ZNF385D: variants seen among roughly 807,000 people sequenced by gnomAD.
The protein encoded by ZNF385D is zinc finger protein 385D, also known as zinc finger protein 659.
Under a neutral mutation model 35.8 loss-of-function variants are expected in ZNF385D, and 15 were observed. The ratio of observed to expected loss-of-function variants is 0.42; its 90% CI spans 0.28 to 0.64. ZNF385D has a LOEUF of 0.64. ZNF385D is among the 30% of genes least tolerant of loss of function. The probability of loss-of-function intolerance (pLI) is 0.23; values close to 1 mark genes in which losing one functional copy is unlikely to be tolerated. For synonymous variants in ZNF385D, 212 were observed against 186.8 expected, an observed-to-expected ratio of 1.13 and a Z score of -1.10; for missense variants, 474 against 494.6, an observed-to-expected ratio of 0.96 and a Z score of 0.39.
chr3:21,726,203 A>G (rs1159379865), intron 1 of ZNF385D, among the ~76,000 whole-genome samples: 1 of 152,196 alleles, frequency 6.6e-6, no homozygotes, highest in Non-Finnish European at 1.5e-5. Flanking sequence ...TATTTATGAT[A>G]AACCCACAGC....
intron 2 of ZNF385D, among the ~76,000 whole-genome samples, chr3:21,580,167 A>G (rs766348539): frequency 2.6e-5 from 4 of 152,166 alleles, no homozygotes; most frequent in Non-Finnish European, 4.4e-5. Flanking sequence ...CTAAAAGGAA[A>G]AGTTCAAACA....
At chr3:22,061,466 C>A (rs915236376) in intron 3 of ZNF385D, among the ~76,000 whole-genome samples, 18 of 152,158 alleles carry the variant, frequency 1.2e-4, no homozygotes, top group African/African-American at 4.1e-4. Flanking sequence ...AGTTTATTCT[C>A]TCAAGAGCAG....
intron 3 of ZNF385D, among the ~76,000 whole-genome samples, chr3:21,942,062 A>G (rs611146): frequency 0.26 from 39,596 of 151,938 alleles, 5,861 homozygotes; most frequent in Admixed American, 0.41. Context: ...TGTATTGTCA[A>G]ATGTATATGT....
chr3:22,089,664 A>AG (rs1359411727), intron 3 of ZNF385D, among the ~76,000 whole-genome samples: 2 of 152,094 alleles, frequency 1.3e-5, no homozygotes, highest in African/African-American at 2.4e-5. Flanking sequence ...GCCCTGAGTA[A>AG]GGGGGGGATT....
intron 3 of ZNF385D, among the ~76,000 whole-genome samples, chr3:22,062,240 G>C (rs1699727104): frequency 6.6e-6 from 1 of 151,962 alleles, no homozygotes. Flanking sequence ...TTATTTTGTA[G>C]AGACAGGATT....
At position 21,799,540 on chromosome 3, in the gene ZNF385D, T is replaced by G. The variant is rs534456045; in HGVS notation, c.326-134512A>C. On this transcript the variant is annotated intron_variant, in intron 3 of 5. Transcript: ENST00000494108. Reference sequence around the variant, plus strand: ...AGTATATTTTCACGTGATTTTTGACTTTTCATATTGTGGCCATTTATATAT... The same window carrying G: ...AGTATATTTTCACGTGATTTTTGACGTTTCATATTGTGGCCATTTATATAT... 6.6e-4 allele frequency among the ~76,000 whole-genome samples: 100 copies of G among 152,288 alleles called. 1 individual carries two copies. Among genetic ancestry groups the G allele is most frequent in the African/African-American group, 2.3e-3 (97 of 41,572 alleles).
At chr3:21,997,819 C>A (rs914433072) in intron 3 of ZNF385D, among the ~76,000 whole-genome samples, 16 of 151,172 alleles carry the variant, frequency 1.1e-4, no homozygotes, top group African/African-American at 1.5e-4. Flanking sequence ...TGGATAGAAT[C>A]TGAATCTGGT....
At chr3:21,708,778 C>T (rs886243534) in intron 1 of ZNF385D, among the ~76,000 whole-genome samples, 1 of 152,000 alleles carries the variant, frequency 6.6e-6, no homozygotes, top group African/African-American at 2.4e-5. Context: ...AGATTTGCAT[C>T]AGTAGACTTT....
At chr3:22,177,852 T>G (rs1298917068) in intron 2 of ZNF385D, among the ~76,000 whole-genome samples, 1 of 152,130 alleles carries the variant, frequency 6.6e-6, no homozygotes, top group African/African-American at 2.4e-5. Context: ...TTTGTCCTTG[T>G]GATAGTTTGC....
chr3:21,543,365 C>T (rs922555767), intron 3 of ZNF385D, among the ~76,000 whole-genome samples: 2 of 152,196 alleles, frequency 1.3e-5, no homozygotes, highest in Non-Finnish European at 2.9e-5. Context: ...AACTTCTGAG[C>T]ATATGGGAGA....
intron 4 of ZNF385D, among the ~76,000 whole-genome samples, chr3:21,451,296 G>C (rs1024077943): frequency 1.3e-5 from 2 of 152,032 alleles, no homozygotes; most frequent in Non-Finnish European, 2.9e-5. Context: ...TCACCAAAAT[G>C]ATGATTTATA....
chr3:22,097,562 A>T (rs1046755461), intron 3 of ZNF385D, among the ~76,000 whole-genome samples: 1 of 152,130 alleles, frequency 6.6e-6, no homozygotes. Context: ...TTCCAAGAAC[A>T]TTGAAAGAGC....
At chr3:22,341,676 T>C (rs368862448) in intron 2 of ZNF385D, among the ~76,000 whole-genome samples, 16 of 152,202 alleles carry the variant, frequency 1.1e-4, no homozygotes, top group African/African-American at 3.6e-4. Context: ...ACAGAGTTGA[T>C]AGTCATATCT....
intron 3 of ZNF385D, among the ~76,000 whole-genome samples, chr3:22,163,579 T>A (rs1036953651): frequency 6.6e-6 from 1 of 152,184 alleles, no homozygotes; most frequent in Non-Finnish European, 1.5e-5. Context: ...TCAAGGCATA[T>A]AATCACACAA....
chr3:21,787,391 C>G (rs2071734009), intron 3 of ZNF385D, among the ~76,000 whole-genome samples: 1 of 152,074 alleles, frequency 6.6e-6, no homozygotes, highest in African/African-American at 2.4e-5. Context: ...AGAGCTAAAA[C>G]AAAAATAGAT....
intron 2 of ZNF385D, among the ~76,000 whole-genome samples, chr3:22,189,601 G>T (rs1350228919): frequency 1.3e-5 from 2 of 152,232 alleles, no homozygotes; most frequent in Non-Finnish European, 2.9e-5. Context: ...CTGGTTTGTA[G>T]ATTTGCAGAT....
intron 2 of ZNF385D, among the ~76,000 whole-genome samples, chr3:22,348,219 C>CA (rs1306788896): frequency 1.3e-5 from 2 of 151,544 alleles, no homozygotes; most frequent in South Asian, 2.1e-4. Context: ...TGCACCCCTC[C>CA]AAAAAAAATT....
upstream of ZNF385D, among the ~76,000 whole-genome samples, chr3:21,751,835 T>G (rs1044619548): frequency 9.2e-5 from 14 of 152,112 alleles, no homozygotes; most frequent in African/African-American, 3.1e-4. Context: ...ACCTCTCAGT[T>G]GCCCAGGACC....
intron 2 of ZNF385D, among the ~76,000 whole-genome samples, chr3:22,222,778 CTTAGAATATTCAGCAGT>C (rs1361247421): frequency 6.6e-6 from 1 of 152,074 alleles, no homozygotes; most frequent in African/African-American, 2.4e-5. Context: ...TATTAGATCA[CTTAGAATATTCAGCAGT>C]TTAGATAAAG....
Sources: gnomAD v4.1 joint callset for allele counts (sites outside exome capture counted in the v4.1 genomes callset) on GRCh38, gnomAD v4.1.1 for gene constraint, MANE v1.5 for transcripts, NCBI Gene and HGNC (gene_info 2026-07-23, HGNC 2026-07-21) for gene names.